GPC5: variants seen among roughly 807,000 people sequenced by gnomAD.
The protein encoded by GPC5 is glypican 5, also known as glypican-5.
A neutral mutation model predicts 53.9 loss-of-function variants in GPC5; 47 were observed. That is an observed-to-expected ratio of 0.87 (90% CI 0.69 to 1.11). GPC5 has a LOEUF of 1.11. GPC5 is among the 50% of genes most tolerant of loss of function. The probability of loss-of-function intolerance (pLI) is 0.00; values close to 1 mark genes in which losing one functional copy is unlikely to be tolerated. For missense variants in GPC5, 748 were observed against 713.1 expected, an observed-to-expected ratio of 1.05 and a Z score of -0.56; for synonymous variants, 286 against 263.3, an observed-to-expected ratio of 1.09 and a Z score of -0.84.
rs78407095 is a variant in GPC5 at position 92,076,734 on chromosome 13, G to A, written c.1402-68096G>A. Reference sequence around the variant, plus strand: ...TGTGACAAAGAAGAAAGTAAAAAAAGTTTACCCCAAAAGCAAGTTTCTTTG... The same window carrying A: ...TGTGACAAAGAAGAAAGTAAAAAAAATTTACCCCAAAAGCAAGTTTCTTTG... On this transcript the variant is annotated intron_variant, in intron 6 of 7. Transcript: ENST00000377067. Among the ~76,000 whole-genome samples the A allele has an allele frequency of 7.0e-3, 1,063 of 152,198 alleles. 18 individuals are homozygous for A. The highest frequency in any genetic ancestry group is 0.024 in the African/African-American group (1,006 of 41,540).
intron 6 of GPC5, among the ~76,000 whole-genome samples, chr13:92,102,780 T>C (rs1284474000): frequency 6.6e-6 from 1 of 152,232 alleles, no homozygotes; most frequent in Non-Finnish European, 1.5e-5. Flanking sequence ...ACATGGTCTG[T>C]ACCTCAGCAC....
chr13:91,642,358 G>A (rs902941673), intron 2 of GPC5, among the ~76,000 whole-genome samples: 31 of 152,180 alleles, frequency 2.0e-4, no homozygotes, highest in Non-Finnish European at 4.6e-4. Flanking sequence ...GTGAAGAGAC[G>A]ATAGGCCTGA....
At chr13:91,469,805 C>T (rs572420434) in intron 2 of GPC5, among the ~76,000 whole-genome samples, 205 of 152,090 alleles carry the variant, frequency 1.3e-3, no homozygotes, top group African/African-American at 4.5e-3. Flanking sequence ...TTTGGGAGGC[C>T]GAGGTGGGTG....
intron 7 of GPC5, among the ~76,000 whole-genome samples, chr13:92,308,705 G>A (rs1435948389): frequency 2.6e-5 from 4 of 152,044 alleles, no homozygotes; most frequent in Non-Finnish European, 5.9e-5. Context: ...TGTAGATAGT[G>A]TATTCAATTC....
At position 91,670,423 on chromosome 13, in the gene GPC5, A is replaced by G. The variant is rs527561649; in HGVS notation, c.326-22764A>G. Among the ~76,000 whole-genome samples, 432 of 152,314 alleles carry G rather than the reference A, an allele frequency of 2.8e-3. 5 individuals are homozygous for G. Among genetic ancestry groups the G allele is most frequent in the South Asian group, 0.023 (111 of 4,834 alleles). Reference sequence around the variant, plus strand: ...ATCTGACAGAATGGTCTGAACCAGGAGAAAAATTAAAAGACATTCTTAATG... The same window carrying G: ...ATCTGACAGAATGGTCTGAACCAGGGGAAAAATTAAAAGACATTCTTAATG... On this transcript the variant is annotated intron_variant, in intron 2 of 7. Coordinates refer to ENST00000377067, the MANE Select transcript of GPC5 (RefSeq NM_004466.6).
chr13:92,737,749 TTTTTTTTTTTCTTTTTC>T (rs1435524601), intron 7 of GPC5, among the ~76,000 whole-genome samples: 2 of 126,774 alleles, frequency 1.6e-5, no homozygotes, highest in African/African-American at 5.6e-5. Context: ...ATTTTCTTTC[TTTTTTTTTTTCTTTTTC>T]TTTTTTTTTT....
intron 5 of GPC5, among the ~76,000 whole-genome samples, chr13:91,825,237 G>A (rs1159032712): frequency 6.6e-6 from 1 of 152,112 alleles, no homozygotes; most frequent in South Asian, 2.1e-4. Flanking sequence ...TTTTTATTCT[G>A]TACCTAACTT....
In GPC5 at chr13:92,234,660, G is replaced by C. The variant is rs569688118; in HGVS notation, c.1561+89671G>C. 4.6e-5 allele frequency among the ~76,000 whole-genome samples: 7 copies of C among 151,904 alleles called. 1 individual carries two copies. The South Asian group carries it at 1.2e-3, about 27-fold the overall frequency. On this transcript the variant is annotated intron_variant, in intron 7 of 7. Coordinates refer to ENST00000377067, the MANE Select transcript of GPC5 (RefSeq NM_004466.6). ...CATTGTAAAACTAGTAGAAGATAAG[G>C]GTTACTTTATTAATTGTATGGATCC...
intron 7 of GPC5, among the ~76,000 whole-genome samples, chr13:92,168,780 C>A (rs544831834): frequency 1.2e-4 from 18 of 152,250 alleles, no homozygotes; most frequent in African/African-American, 4.1e-4. Context: ...GTGGCAGTTC[C>A]TCAGAGACCT....
chr13:92,443,662 G>A (rs1408562098), intron 7 of GPC5, among the ~76,000 whole-genome samples: 1 of 152,082 alleles, frequency 6.6e-6, no homozygotes. Context: ...AGTGACAAAG[G>A]GGCAAGGTAG....
intron 7 of GPC5, among the ~76,000 whole-genome samples, chr13:92,186,701 G>A (rs774287283): frequency 2.0e-5 from 3 of 152,122 alleles, no homozygotes; most frequent in Non-Finnish European, 4.4e-5. Context: ...TCAAGGATTG[G>A]TGACTTGCCC....
intron 7 of GPC5, among the ~76,000 whole-genome samples, chr13:92,486,654 A>G (rs1218731909): frequency 1.3e-5 from 2 of 152,386 alleles, no homozygotes; most frequent in South Asian, 2.1e-4. Context: ...AAAGGAAATC[A>G]TAAGAATGAG....
chr13:91,793,018 T>C (rs2990007), intron 5 of GPC5, among the ~76,000 whole-genome samples: 54,821 of 151,960 alleles, frequency 0.36, 11,190 homozygotes, highest in African/African-American at 0.56. Flanking sequence ...CCATTGAAAC[T>C]CTTCTCACTA....
intron 5 of GPC5, among the ~76,000 whole-genome samples, chr13:91,820,493 A>G (rs1002350442): frequency 6.6e-6 from 1 of 151,738 alleles, no homozygotes; most frequent in African/African-American, 2.4e-5. Context: ...CCATCCCACT[A>G]CTCTGCAGTG....
intron 6 of GPC5, among the ~76,000 whole-genome samples, chr13:92,070,984 T>C (rs1264155829): frequency 6.6e-6 from 1 of 152,180 alleles, no homozygotes; most frequent in African/African-American, 2.4e-5. Flanking sequence ...ACGCCTGTAA[T>C]CCCAGCACTT....
At chr13:91,492,645 A>G (rs939894411) in intron 2 of GPC5, among the ~76,000 whole-genome samples, 2 of 152,210 alleles carry the variant, frequency 1.3e-5, no homozygotes, top group East Asian at 1.9e-4. Flanking sequence ...TCACCAGTTC[A>G]TATGCTAAAA....
At chr13:92,559,782 G>T (rs1882634963) in intron 7 of GPC5, among the ~76,000 whole-genome samples, 2 of 151,426 alleles carry the variant, frequency 1.3e-5, no homozygotes, top group African/African-American at 4.8e-5. Context: ...TTTTCCACAT[G>T]GTCCCATTTG....
chr13:92,286,896 T>G (rs1307085043), intron 7 of GPC5, among the ~76,000 whole-genome samples: 1 of 151,856 alleles, frequency 6.6e-6, no homozygotes, highest in Non-Finnish European at 1.5e-5. Context: ...AAAATATCAC[T>G]AGTAAAAAAG....
chr13:92,475,252 G>C (rs560779407), intron 7 of GPC5, among the ~76,000 whole-genome samples: 1 of 148,662 alleles, frequency 6.7e-6, no homozygotes, highest in East Asian at 2.0e-4. Context: ...GGCATTGGTA[G>C]CTTGATGGGG....
Sources: gnomAD v4.1 joint callset for allele counts (sites outside exome capture counted in the v4.1 genomes callset) on GRCh38, gnomAD v4.1.1 for gene constraint, MANE v1.5 for transcripts, NCBI Gene and HGNC (gene_info 2026-07-23, HGNC 2026-07-21) for gene names.